ASIC2: variants seen among roughly 807,000 people sequenced by gnomAD.
ASIC2 encodes acid-sensing ion channel 2.
Under a neutral mutation model 57.3 loss-of-function variants are expected in ASIC2, and 25 were observed. That is an observed-to-expected ratio of 0.44 (90% CI 0.32 to 0.61). The LOEUF (loss-of-function observed/expected upper bound fraction) is 0.61. ASIC2 is among the 20% of genes least tolerant of loss of function. The pLI is 0.06. For missense variants in ASIC2, 641 were observed against 738.1 expected, an observed-to-expected ratio of 0.87 and a Z score of 1.52; for synonymous variants, 319 against 307.5, an observed-to-expected ratio of 1.04 and a Z score of -0.39.
intron 1 of ASIC2, among the ~76,000 whole-genome samples, chr17:33,816,176 G>C (rs529280645): frequency 2.7e-5 from 4 of 150,666 alleles, no homozygotes; most frequent in African/African-American, 7.3e-5. Flanking sequence ...CTGAAGGGGG[G>C]GCGGGTGGGG....
At chr17:33,192,385 AAAAC>A (rs1906457424) in intron 1 of ASIC2, among the ~76,000 whole-genome samples, 1 of 3,498 alleles carries the variant, frequency 2.9e-4, no homozygotes, top group Admixed American at 2.1e-3. Context: ...CTCAGTCTCA[AAAAC>A]AAAACAAAAC....
intron 1 of ASIC2, among the ~76,000 whole-genome samples, chr17:34,016,423 C>CAAAAAAAAAAAAAAAAA (rs398041640): frequency 9.6e-5 from 4 of 41,464 alleles, no homozygotes; most frequent in African/African-American, 3.3e-4. Context: ...GACTCCGTCT[C>CAAAAAAAAAAAAAAAAA]AAAAAAAAAA....
intron 1 of ASIC2, among the ~76,000 whole-genome samples, chr17:33,126,104 C>T (rs547487554): frequency 5.9e-5 from 9 of 152,310 alleles, no homozygotes; most frequent in Non-Finnish European, 1.2e-4. Flanking sequence ...AACAAACTTG[C>T]AAAATAGACA....
chr17:33,385,927 G>A (rs1453093010), intron 1 of ASIC2, among the ~76,000 whole-genome samples: 1 of 152,180 alleles, frequency 6.6e-6, no homozygotes, highest in African/African-American at 2.4e-5. Context: ...TTATGATGGT[G>A]ATCAGCCAAG....
chr17:33,187,221 C>T (rs1308831106), intron 1 of ASIC2, among the ~76,000 whole-genome samples: 1 of 152,192 alleles, frequency 6.6e-6, no homozygotes, highest in East Asian at 1.9e-4. Context: ...TCCATGACAA[C>T]ACCTGACCAC....
intron 1 of ASIC2, among the ~76,000 whole-genome samples, chr17:33,561,910 C>A (rs1371527444): frequency 6.6e-6 from 1 of 152,250 alleles, no homozygotes; most frequent in Non-Finnish European, 1.5e-5. Flanking sequence ...TGTGCACAAG[C>A]ATCCCTCTAG....
Position 33,075,219 on chromosome 17 carries a change from C to T in ASIC2, c.987+13644G>A, listed in dbSNP as rs529801118. On this transcript the variant is annotated intron_variant, in intron 3 of 9. Coordinates refer to ENST00000225823, the MANE Select transcript of ASIC2 (RefSeq NM_183377.2). The stretch of plus-strand genomic sequence containing the variant: ...TCTGATGGTTTTATAAGGGGTTTCC[C>T]CTTTTGCTTGGCTCTCATTCTCTCT... Among the ~76,000 whole-genome samples, 114 of 152,248 alleles carry T rather than the reference C, an allele frequency of 7.5e-4. 1 individual carries two copies. Among genetic ancestry groups the T allele is most frequent in the Middle Eastern group, 6.8e-3 (2 of 294 alleles).
chr17:33,967,273 T>C (rs1469300137), intron 1 of ASIC2, among the ~76,000 whole-genome samples: 1 of 152,168 alleles, frequency 6.6e-6, no homozygotes, highest in Middle Eastern at 3.2e-3. Context: ...TCTTGCACTG[T>C]GGTCTAGGCT....
intron 1 of ASIC2, among the ~76,000 whole-genome samples, chr17:33,171,901 C>T (rs1905535941): frequency 6.6e-6 from 1 of 152,320 alleles, no homozygotes; most frequent in Admixed American, 6.5e-5. Context: ...CCCTTCTCTG[C>T]CCTGCTAGCC....
chr17:33,234,567 G>C (rs1410134720), intron 1 of ASIC2, among the ~76,000 whole-genome samples: 2 of 152,168 alleles, frequency 1.3e-5, no homozygotes, highest in Admixed American at 1.3e-4. Flanking sequence ...CGTTCAGGCT[G>C]CAATAACAAA....
chr17:33,189,001 T>C (rs1436597456), intron 1 of ASIC2, among the ~76,000 whole-genome samples: 1 of 151,936 alleles, frequency 6.6e-6, no homozygotes, highest in Non-Finnish European at 1.5e-5. Context: ...AAAGATGGGG[T>C]GTGGGAGAGG....
chr17:33,845,231 G>A (rs181818162), intron 1 of ASIC2, among the ~76,000 whole-genome samples: 136 of 152,280 alleles, frequency 8.9e-4, no homozygotes, highest in African/African-American at 3.2e-3. Flanking sequence ...CAGTTATATT[G>A]ATTGGTTCTT....
At chr17:33,325,604 G>C (rs763769653) in intron 1 of ASIC2, among the ~76,000 whole-genome samples, 126 of 152,146 alleles carry the variant, frequency 8.3e-4, no homozygotes, top group Admixed American at 1.0e-3. Context: ...GTGATTTTAG[G>C]AGTGATGGGT....
intron 1 of ASIC2, among the ~76,000 whole-genome samples, chr17:33,666,620 G>T (rs1907482211): frequency 3.9e-5 from 6 of 152,196 alleles, no homozygotes; most frequent in Admixed American, 3.9e-4. Flanking sequence ...GGTTGTGAGA[G>T]CTGCTCGGAG....
chr17:34,037,734 C>T lies in ASIC2; in HGVS notation c.555+118244G>A. The T allele has an allele frequency of 3.1e-6, 5 of 1,614,148 alleles. No homozygotes were observed. The South Asian group carries it at 5.5e-5, about 18-fold the overall frequency. On this transcript the variant is annotated intron_variant, in intron 1 of 9. Coordinates refer to the ASIC2 transcript ENST00000359872. ...TGAGGCAACAAGTAGGGATCACAGG[C>T]CAGCTGCTGGACATCAATGCGGTCC...
intron 1 of ASIC2, among the ~76,000 whole-genome samples, chr17:33,438,783 CA>C (rs2141982788): frequency 6.6e-6 from 1 of 151,492 alleles, no homozygotes; most frequent in Admixed American, 6.6e-5. Context: ...CTGGCCCAAC[CA>C]ATCAGAAGCA....
chr17:33,928,888 C>G (rs1032559428), intron 1 of ASIC2, among the ~76,000 whole-genome samples: 1 of 152,048 alleles, frequency 6.6e-6, no homozygotes, highest in Admixed American at 6.6e-5. Flanking sequence ...GTTAGGTAAC[C>G]GAGGCTGCAA....
At chr17:33,820,298 A>AGCTCATC (rs1912706762) in intron 1 of ASIC2, among the ~76,000 whole-genome samples, 1 of 152,236 alleles carries the variant, frequency 6.6e-6, no homozygotes, top group African/African-American at 2.4e-5. Flanking sequence ...TTTTCATTGA[A>AGCTCATC]AACTGAGATG....
rs114204805 is a variant in ASIC2 at position 34,020,569 on chromosome 17, T to C, written c.555+135409A>G. The stretch of plus-strand genomic sequence containing the variant: ...GAAGAAGTTAGAGAGATTTGAGTGA[T>C]AGAGGAACTCAATGTACTGTTGTCA... On this transcript the variant is annotated intron_variant, in intron 1 of 9. Coordinates refer to the ASIC2 transcript ENST00000359872. 2.7e-3 allele frequency among the ~76,000 whole-genome samples: 406 copies of C among 152,274 alleles called. 2 individuals carry two copies. Among genetic ancestry groups the C allele is most frequent in the African/African-American group, 9.1e-3 (379 of 41,544 alleles).
Sources: gnomAD v4.1 joint callset for allele counts (sites outside exome capture counted in the v4.1 genomes callset) on GRCh38, gnomAD v4.1.1 for gene constraint, MANE v1.5 for transcripts, NCBI Gene and HGNC (gene_info 2026-07-23, HGNC 2026-07-21) for gene names.